Variants in MAP7 observed in about 807,000 individuals in gnomAD.
MAP7 encodes the protein ensconsin.
In MAP7, 52 loss-of-function variants were observed where a neutral mutation model predicts 94.8. The observed-to-expected ratio is 0.55, with a 90% CI of 0.44 to 0.69. The LOEUF is 0.69. Ranked by LOEUF, MAP7 falls within the 30% of genes least tolerant of loss-of-function variation. MAP7 has a pLI of 0.00. For synonymous variants in MAP7, 350 were observed against 357.0 expected (o/e 0.98, Z 0.22); for missense variants, 940 against 964.6 (o/e 0.97, Z 0.34).
chr6:136,400,515 A>C (rs1783784273), intron 3 of MAP7, among the ~76,000 whole-genome samples: 1 of 152,326 alleles, frequency 6.6e-6, no homozygotes, highest in African/African-American at 2.4e-5. Context: ...GGTTAAAAAC[A>C]AAAACACCTA....
At chr6:136,356,245 C>A (rs1275878511) in intron 16 of MAP7, among the ~76,000 whole-genome samples, 1 of 152,210 alleles carries the variant, frequency 6.6e-6, no homozygotes. Context: ...TGGCTCACTG[C>A]ATCCTTGACC....
At chr6:136,379,805 T>C (rs1777227265) in intron 6 of MAP7, among the ~76,000 whole-genome samples, 1 of 152,210 alleles carries the variant, frequency 6.6e-6, no homozygotes, top group Non-Finnish European at 1.5e-5. Flanking sequence ...TAAAAACCCA[T>C]TGTAACCTGT....
chr6:136,477,727 C>A (rs1490246716), intron 1 of MAP7, among the ~76,000 whole-genome samples: 1 of 152,104 alleles, frequency 6.6e-6, no homozygotes, highest in Non-Finnish European at 1.5e-5. Context: ...CACTTCAACA[C>A]CACAATTTCA....
intron 16 of MAP7, among the ~76,000 whole-genome samples, chr6:136,355,369 G>T (rs1790600866): frequency 3.3e-5 from 5 of 151,052 alleles, no homozygotes; most frequent in Admixed American, 3.3e-4. Flanking sequence ...ATTTAATATA[G>T]ATCTTAGGTA....
Position 136,444,649 on chromosome 6 carries a change from C to T in MAP7, c.68-22850G>A, listed in dbSNP as rs185605758. On this transcript the variant is annotated intron_variant, in intron 1 of 17. Transcript: ENST00000354570. ...TAATTTGATACCACTTTTGGATAAG[C>T]TGTAAACAAGCCCACAATAGAACAG... 4.6e-4 allele frequency among the ~76,000 whole-genome samples: 70 copies of T among 152,284 alleles called. 1 individual carries two copies. The highest frequency in any genetic ancestry group is 3.4e-3 in the Middle Eastern group (1 of 294).
intron 1 of MAP7, among the ~76,000 whole-genome samples, chr6:136,508,619 A>G (rs1415403992): frequency 2.8e-4 from 42 of 152,212 alleles, no homozygotes; most frequent in Non-Finnish European, 1.5e-5. Flanking sequence ...TCTAAGTCTC[A>G]TAAACTGTAA....
chr6:136,345,783 A>G (rs760461134), intron 17 of MAP7, 73 bp downstream of exon 17: 3 of 1,150,616 alleles, frequency 2.6e-6, no homozygotes, highest in African/African-American at 3.0e-5. Flanking sequence ...ATACTGTAGA[A>G]GGCAGCAGTT....
intron 1 of MAP7, among the ~76,000 whole-genome samples, chr6:136,516,517 G>A (rs1315639657): frequency 6.6e-6 from 1 of 152,220 alleles, no homozygotes; most frequent in African/African-American, 2.4e-5. Flanking sequence ...GTGAAGTGGA[G>A]AGAGGAGAAG....
At chr6:136,375,406 T>C (rs2206054) in intron 7 of MAP7, among the ~76,000 whole-genome samples, 128,087 of 152,140 alleles carry the variant, frequency 0.84, 54,004 homozygotes, top group Admixed American at 0.88. Context: ...AATCACTCTA[T>C]ATCCCAGGGC....
At chr6:136,546,970 T>G (rs775679255) in intron 1 of MAP7, among the ~76,000 whole-genome samples, 1 of 152,176 alleles carries the variant, frequency 6.6e-6, no homozygotes, top group Non-Finnish European at 1.5e-5. Flanking sequence ...TTCCTCCTAC[T>G]TAGCAAGATG....
chr6:136,414,470 C>A (rs923448950), intron 2 of MAP7, among the ~76,000 whole-genome samples: 3 of 151,752 alleles, frequency 2.0e-5, no homozygotes, highest in Non-Finnish European at 4.4e-5. Context: ...AAGGGCTATC[C>A]ACAGGAAGTT....
chr6:136,389,978 A>G (rs963662420), intron 3 of MAP7, among the ~76,000 whole-genome samples: 1 of 152,214 alleles, frequency 6.6e-6, no homozygotes, highest in African/African-American at 2.4e-5. Flanking sequence ...AAGATGTCTG[A>G]AGTGCCTTAC....
At chr6:136,381,613 A>T (rs979449046) in intron 6 of MAP7, among the ~76,000 whole-genome samples, 6 of 152,076 alleles carry the variant, frequency 3.9e-5, no homozygotes, top group African/African-American at 1.4e-4. Context: ...CTTCCTAGAC[A>T]ATATATGGGA....
intron 3 of MAP7, among the ~76,000 whole-genome samples, chr6:136,401,953 T>C (rs1311374429): frequency 1.3e-5 from 2 of 152,198 alleles, no homozygotes; most frequent in African/African-American, 4.8e-5. Flanking sequence ...TACACATTAG[T>C]CGTCTCAGAG....
At chr6:136,505,805 A>G (rs1277913556) in intron 1 of MAP7, among the ~76,000 whole-genome samples, 1 of 152,150 alleles carries the variant, frequency 6.6e-6, no homozygotes. Context: ...AATAATTTAT[A>G]TATAGGACTT....
At chr6:136,497,831 C>T (rs1818755728) in intron 1 of MAP7, among the ~76,000 whole-genome samples, 1 of 149,262 alleles carries the variant, frequency 6.7e-6, no homozygotes. Flanking sequence ...AAAGCAGATT[C>T]ACTGAGCCAG....
intron 13 of MAP7, 34 bp downstream of exon 13, chr6:136,360,663 C>T (rs997980550): frequency 2.5e-5 from 40 of 1,594,788 alleles, no homozygotes; most frequent in African/African-American, 5.4e-5. Flanking sequence ...GGTGCAAGTT[C>T]GCGTCCCGGG....
chr6:136,521,092 C>T (rs974083908), intron 1 of MAP7, among the ~76,000 whole-genome samples: 2 of 152,212 alleles, frequency 1.3e-5, no homozygotes, highest in African/African-American at 2.4e-5. Flanking sequence ...ACAGCTGCTA[C>T]TTAGCTCCAG....
At chr6:136,456,442 T>C (rs1343947624) in intron 1 of MAP7, among the ~76,000 whole-genome samples, 1 of 151,700 alleles carries the variant, frequency 6.6e-6, no homozygotes, top group Non-Finnish European at 1.5e-5. Context: ...AAGGCCAAGG[T>C]GGGAGAATTG....
Sources: gnomAD v4.1 joint callset for allele counts (sites outside exome capture counted in the v4.1 genomes callset) on GRCh38, gnomAD v4.1.1 for gene constraint, MANE v1.5 for transcripts, NCBI Gene and HGNC (gene_info 2026-07-23, HGNC 2026-07-21) for gene names.